Variants in PRKAR1A observed in about 807,000 individuals in gnomAD.
PRKAR1A encodes cAMP-dependent protein kinase type I-alpha regulatory subunit.
In PRKAR1A, 3 loss-of-function variants were observed where a neutral mutation model predicts 52.0. The observed-to-expected ratio is 0.06, with a 90% CI of 0.03 to 0.15. The LOEUF is 0.15. Ranked by LOEUF, PRKAR1A falls within the 10% of genes least tolerant of loss-of-function variation. The probability of loss-of-function intolerance (pLI) is 1.00; values close to 1 mark genes in which losing one functional copy is unlikely to be tolerated. For missense variants in PRKAR1A, 240 were observed against 477.4 expected, an observed-to-expected ratio of 0.50 and a Z score of 4.63; for synonymous variants, 188 against 168.4, an observed-to-expected ratio of 1.12 and a Z score of -0.90.
chr17:68,534,351 T>C (rs1287358482), downstream of PRKAR1A, among the ~76,000 whole-genome samples: 1 of 152,216 alleles, frequency 6.6e-6, no homozygotes, highest in Non-Finnish European at 1.5e-5. Context: ...TTGATCCTTA[T>C]CATTCATGGA....
At chr17:68,433,152 C>T in the PRKAR1A span, among the ~76,000 whole-genome samples, 1 of 152,256 alleles carries the variant, frequency 6.6e-6, no homozygotes, top group African/African-American at 2.4e-5. Context: ...GATCTGCAGA[C>T]TCATTTAATA....
In PRKAR1A at chr17:68,530,669, T is replaced by A; in HGVS notation, c.*220T>A. 4 of 1,442,014 alleles carry A rather than the reference T, an allele frequency of 2.8e-6. No homozygotes were observed. The highest frequency in any genetic ancestry group is 2.8e-5 in the South Asian group (2 of 71,082). The allele number at this position is 1,442,014 out of a possible 1,614,324, so 89.3% of individuals were successfully genotyped here. ...TAAATAGAAAGAGTTCTATGGAGAC[T>A]TTGCTGTTACTGCTTCTCTTTGTGC... On this transcript the variant is annotated 3_prime_UTR_variant, in exon 11 of 11. Coordinates refer to ENST00000589228, the MANE Select transcript of PRKAR1A (RefSeq NM_002734.5).
chr17:68,471,855 C>T, the PRKAR1A span, among the ~76,000 whole-genome samples: 2 of 152,016 alleles, frequency 1.3e-5, no homozygotes, highest in Non-Finnish European at 2.9e-5. Context: ...GGCTGGAGTG[C>T]AGTGGCGCGA....
At chr17:68,441,370 G>T in the PRKAR1A span, among the ~76,000 whole-genome samples, 3 of 152,228 alleles carry the variant, frequency 2.0e-5, no homozygotes, top group African/African-American at 7.2e-5. Context: ...TGTAGTTTAT[G>T]AAGTCAAAAT....
chr17:68,539,293 C>T (rs773465041), intron 11 of PRKAR1A: 2 of 1,606,814 alleles, frequency 1.2e-6, no homozygotes, highest in Non-Finnish European at 1.7e-6. Context: ...CATGAAGGGT[C>T]ACAACTGTTA....
chr17:68,457,301 C>A, the PRKAR1A span: 1 of 1,537,084 alleles, frequency 6.5e-7, no homozygotes. Context: ...TCCTGACACT[C>A]TGTCCCCCAC....
the PRKAR1A span, among the ~76,000 whole-genome samples, chr17:68,435,346 G>A: frequency 0.012 from 1,854 of 152,310 alleles, 12 homozygotes; most frequent in Middle Eastern, 0.024. Context: ...CCGTCTCTAC[G>A]GCTGATGTAC....
At position 68,527,858 on chromosome 17, in the gene PRKAR1A, C is replaced by A. The variant is rs770136522; in HGVS notation, c.727C>A (p.Arg243=). ...TTTTTAGGGAAGCACACTGAGAAAG[C>A]GGAAGATGTATGAGGAATTCCTTAG... ...RILMGSTLRK[R]KMYEEFLSKV... Residue 243 remains arginine (R), a synonymous_variant, in exon 8 of 11, where the codon CGG becomes AGG. Transcript: ENST00000589228. 1.2e-5 allele frequency: 19 copies of A among 1,611,930 alleles called. No homozygotes were observed. Among genetic ancestry groups the A allele is most frequent in the African/African-American group, 2.7e-5 (2 of 74,754 alleles).
At chr17:68,425,277 C>T in the PRKAR1A span, among the ~76,000 whole-genome samples, 1 of 152,208 alleles carries the variant, frequency 6.6e-6, no homozygotes, top group African/African-American at 2.4e-5. Flanking sequence ...AATCAGAGCT[C>T]ACTGCAGCCT....
At chr17:68,525,012 C>G (rs2085742484) in intron 6 of PRKAR1A, 54 bp downstream of exon 6, 1 of 1,390,626 alleles carries the variant, frequency 7.2e-7, no homozygotes, top group Non-Finnish European at 1.0e-6. Flanking sequence ...ATGTATTGAT[C>G]GCTTCCGAGC....
the PRKAR1A span, among the ~76,000 whole-genome samples, chr17:68,420,025 A>G: frequency 6.6e-6 from 1 of 152,190 alleles, no homozygotes; most frequent in Non-Finnish European, 1.5e-5. Flanking sequence ...TGGAAGGAGC[A>G]AATAGATTCT....
At chr17:68,456,471 G>A in the PRKAR1A span, among the ~76,000 whole-genome samples, 1 of 150,798 alleles carries the variant, frequency 6.6e-6, no homozygotes, top group African/African-American at 2.4e-5. Context: ...ATTCCATATG[G>A]TCCCCAGGGC....
chr17:68,450,589 G>T, the PRKAR1A span: 1 of 1,161,692 alleles, frequency 8.6e-7, no homozygotes, highest in Non-Finnish European at 1.2e-6. Flanking sequence ...CAATACCCCC[G>T]GGACACGGGG....
At chr17:68,449,924 T>G in the PRKAR1A span, among the ~76,000 whole-genome samples, 1 of 152,074 alleles carries the variant, frequency 6.6e-6, no homozygotes, top group East Asian at 1.9e-4. Flanking sequence ...GGTGGGAGGA[T>G]TGTTTGAGCC....
In PRKAR1A at chr17:68,518,893, C is replaced by G. The variant is rs539871241; in HGVS notation, c.177+3317C>G. ...ACCGGATACCCTAAATCATTTCTCT[C>G]AAGTTCAAAGTTCCACAGATTTCTA... On this transcript the variant is annotated intron_variant, in intron 2 of 10. Coordinates refer to ENST00000589228, the MANE Select transcript of PRKAR1A (RefSeq NM_002734.5). Among the ~76,000 whole-genome samples, 10 of 152,358 alleles carry G rather than the reference C, an allele frequency of 6.6e-5. No individual in the cohort carries two copies. In the East Asian group the frequency reaches 1.9e-3, roughly 29 times the overall value.
At chr17:68,437,993 AGTTAGTATATTAAGTGGGTTTCTTCT>A in the PRKAR1A span, among the ~76,000 whole-genome samples, 1 of 147,646 alleles carries the variant, frequency 6.8e-6, no homozygotes, top group Non-Finnish European at 1.5e-5. Context: ...GTCTATTACA[AGTTAGTATATTAAGTGGGTTTCTTCT>A]AAAAGTATAA....
chr17:68,503,038 T>G, the PRKAR1A span, among the ~76,000 whole-genome samples: 1 of 152,072 alleles, frequency 6.6e-6, no homozygotes, highest in African/African-American at 2.4e-5. Flanking sequence ...CATTTTGGAT[T>G]AAAAAAGAAA....
At chr17:68,540,560 AC>A in intron 11 of PRKAR1A, 1 of 529,706 alleles carries the variant, frequency 1.9e-6, no homozygotes, top group Non-Finnish European at 3.6e-6. Flanking sequence ...GTTTCCCCTC[AC>A]TTGGTGAAGT....
chr17:68,536,853 G>A (rs747296601), downstream of PRKAR1A: 1 of 453,922 alleles, frequency 2.2e-6, no homozygotes, highest in South Asian at 1.6e-5. Flanking sequence ...GATATTCTTA[G>A]CAAATCCCTC....
Sources: gnomAD v4.1 joint callset for allele counts (sites outside exome capture counted in the v4.1 genomes callset) on GRCh38, gnomAD v4.1.1 for gene constraint, MANE v1.5 for transcripts, NCBI Gene and HGNC (gene_info 2026-07-23, HGNC 2026-07-21) for gene names.